ANKRD50: variants seen among roughly 807,000 people sequenced by gnomAD.
ANKRD50 encodes the protein ankyrin repeat domain 50.
A neutral mutation model predicts 112.0 loss-of-function variants in ANKRD50; 40 were observed. The observed-to-expected ratio is 0.36, with a 90% CI of 0.28 to 0.46. The LOEUF is 0.46. Ranked by LOEUF, ANKRD50 falls within the 20% of genes least tolerant of loss-of-function variation. ANKRD50 has a pLI of 1.00. For missense variants in ANKRD50, 1,487 were observed against 1,701.7 expected (o/e 0.87, Z 2.22); for synonymous variants, 613 against 619.1 (o/e 0.99, Z 0.15).
chr4:124,672,842 A>G (rs1054824645), intron 3 of ANKRD50, among the ~76,000 whole-genome samples: 2 of 152,070 alleles, frequency 1.3e-5, no homozygotes, highest in African/African-American at 4.8e-5. Context: ...CATAACCATA[A>G]AAGTACCCAG....
At chr4:124,696,143 T>C (rs1725246650) in intron 2 of ANKRD50, among the ~76,000 whole-genome samples, 1 of 151,982 alleles carries the variant, frequency 6.6e-6, no homozygotes, top group Admixed American at 6.6e-5. Flanking sequence ...AGTAGATGGA[T>C]AAAAATAGAT....
At chr4:124,687,113 A>G (rs2110517294) in intron 2 of ANKRD50, among the ~76,000 whole-genome samples, 1 of 152,360 alleles carries the variant, frequency 6.6e-6, no homozygotes. Flanking sequence ...AAGATTTACT[A>G]TTAAAGCTAG....
intron 2 of ANKRD50, among the ~76,000 whole-genome samples, chr4:124,705,063 C>T (rs892129237): frequency 3.3e-5 from 5 of 151,828 alleles, no homozygotes; most frequent in Non-Finnish European, 5.9e-5. Context: ...CACTGCACTC[C>T]AGCCTGGGTA....
At position 124,672,112 on chromosome 4, in the gene ANKRD50, A is replaced by C. The variant is rs545963327; in HGVS notation, c.1165T>G (p.Leu389Val). The C allele has an allele frequency of 1.4e-5, 22 of 1,613,890 alleles. No homozygotes were observed. In the African/African-American group the frequency reaches 2.7e-4, roughly 20 times the overall value. Residue 389 changes from leucine to valine, a missense_variant, in exon 4 of 5, where the codon TTA (leucine) becomes GTA (valine). Leu to Val is a conservative substitution (Grantham distance 32). Transcript: ENST00000504087. ...ACAAGAAGTTTGGAGAGGATATCTA[A>C]CTTGCGTTGAAAATCTTCCAAAGTT... ...SLTLEDFQRK[L>V]DILSKLLVDG...
intron 1 of ANKRD50, among the ~76,000 whole-genome samples, chr4:124,712,112 C>G (rs1313376548): frequency 2.6e-5 from 4 of 152,136 alleles, no homozygotes; most frequent in African/African-American, 9.7e-5. Flanking sequence ...AGCGAAGGTG[C>G]AGCCTCCACA....
chr4:124,710,859 T>C lies in ANKRD50; in HGVS notation c.-348A>G. On this transcript the variant is annotated 5_prime_UTR_variant, in exon 2 of 5. Transcript: ENST00000504087. ...AAGAACAGAGATGAGACAATACATG[T>C]GGAAAACTAAAGAAAAAACCCAATC... 1 of 417,440 alleles carries C rather than the reference T, an allele frequency of 2.4e-6. No homozygotes were observed. The highest frequency in any genetic ancestry group is 4.3e-6 in the Non-Finnish European group (1 of 235,176). 25.9% of individuals were successfully genotyped at this position (417,440 alleles called of 1,614,324 possible).
In ANKRD50 at chr4:124,666,580, G is replaced by A. The variant is rs1359331998; in HGVS notation, c.*938C>T. ...CAGCAAAATTAATTTATTTAGCCAG[G>A]AGGAAGAGGTCAGTTTAGTCAATGA... On this transcript the variant is annotated 3_prime_UTR_variant, in exon 5 of 5. Transcript: ENST00000504087. 1 of 152,258 alleles carries A rather than the reference G, an allele frequency of 6.6e-6. No individual in the cohort carries two copies. Among genetic ancestry groups the A allele is most frequent in the East Asian group, 1.9e-4 (1 of 5,186 alleles). The allele number at this position is 152,258 out of a possible 1,614,324, so 9.4% of individuals were successfully genotyped here. A position where few individuals can be genotyped will look rare whatever the true frequency, so the allele number is the denominator to read the frequency against.
Position 124,672,307 on chromosome 4 carries a change from G to A in ANKRD50, c.970C>T (p.Arg324Cys), listed in dbSNP as rs763266709. 8.1e-6 allele frequency: 13 copies of A among 1,613,262 alleles called. No individual in the cohort carries two copies. Among genetic ancestry groups the A allele is most frequent in the South Asian group, 3.3e-5 (3 of 90,996 alleles). ...VENFIMLREI[R>C]DIPGTLNGLY... ...CCATTTAGAGTTCCTGGGATGTCAC[G>A]AATTTCTCTTAACATAATAAAATTT... Residue 324 changes from arginine (R) to cysteine (C), a missense_variant, in exon 4 of 5, where the codon CGT (arginine) becomes TGT (cysteine). Arg to Cys is a radical substitution (Grantham distance 180, BLOSUM62 -3). Around this residue, in one of 2 missense-constraint regions of ANKRD50, gnomAD observed 1,046 missense variants for 1,269.5 expected, o/e 0.82. Coordinates refer to ENST00000504087, the MANE Select transcript of ANKRD50 (RefSeq NM_020337.3).
At chr4:124,667,908 T>C (rs1309946905) in intron 4 of ANKRD50, among the ~76,000 whole-genome samples, 2 of 151,970 alleles carry the variant, frequency 1.3e-5, no homozygotes, top group Non-Finnish European at 2.9e-5. Context: ...TATTAGAATA[T>C]ATGAGGAATT....
intron 2 of ANKRD50, among the ~76,000 whole-genome samples, chr4:124,692,155 T>C (rs1368795347): frequency 6.6e-6 from 1 of 151,994 alleles, no homozygotes; most frequent in Admixed American, 6.6e-5. Context: ...ATTATGTATA[T>C]GAGAATATTC....
At chr4:124,690,960 C>A (rs1047950988) in intron 2 of ANKRD50, among the ~76,000 whole-genome samples, 2 of 152,074 alleles carry the variant, frequency 1.3e-5, no homozygotes, top group Non-Finnish European at 2.9e-5. Context: ...TATAGGCATA[C>A]ATTAACTCAA....
chr4:124,695,732 G>T (rs1725238260), intron 2 of ANKRD50, among the ~76,000 whole-genome samples: 1 of 151,924 alleles, frequency 6.6e-6, no homozygotes, highest in African/African-American at 2.4e-5. Context: ...AATTACCAAG[G>T]GTCTTTCAGA....
chr4:124,669,222 C>G lies in ANKRD50; in HGVS notation c.4055G>C (p.Ser1352Thr). ...SQQQFLIHQQ[S>T]GEQKKRNGIM... ...TCCATTTCTCTTCTTCTGTTCCCCA[C>G]TTTGTTGGTGAATAAGAAACTGCTG... is the stretch of plus-strand genomic sequence containing the variant. Residue 1352 changes from serine (S) to threonine (T), a missense_variant, in exon 4 of 5, where the codon AGT becomes ACT. Transcript: ENST00000504087. 1 of 1,613,670 alleles carries G rather than the reference C, an allele frequency of 6.2e-7. No homozygotes were observed. The highest frequency in any genetic ancestry group is 8.5e-7 in the Non-Finnish European group (1 of 1,179,788).
At position 124,669,661 on chromosome 4, in the gene ANKRD50, T is replaced by C. The variant is rs147840106; in HGVS notation, c.3616A>G (p.Ile1206Val). The change falls in exon 4 of 5, where the codon ATT becomes GTT. Residue 1206 changes from isoleucine to valine, a missense_variant. Around this residue, in one of 2 missense-constraint regions of ANKRD50, gnomAD observed 441 missense variants for 432.2 expected, o/e 1.02. Transcript: ENST00000504087. ...AATGACAAGTTATGAAAGCTATCAA[T>C]TGGCACTGTTTGAGCCGTTGCTGTA... ...SSTATAQTVP[I>V]DSFHNLSFTE... is the part of the protein sequence containing the mutation. 8 of 1,612,904 alleles carry C rather than the reference T, an allele frequency of 5.0e-6. No homozygotes were observed. The highest frequency in any genetic ancestry group is 2.2e-5 in the South Asian group (2 of 90,734).
rs973312232 is a variant in ANKRD50 at position 124,688,692 on chromosome 4, G to A, written c.513-9787C>T. Among the ~76,000 whole-genome samples the A allele has an allele frequency of 2.6e-5, 4 of 152,070 alleles. 1 individual carries two copies. Among genetic ancestry groups the A allele is most frequent in the Non-Finnish European group, 5.9e-5 (4 of 68,034 alleles). On this transcript the variant is annotated intron_variant, in intron 2 of 4. Transcript: ENST00000504087. Reference sequence around the variant, plus strand: ...TCTTCTTTCCAGTTGGTATTCTGAGGTTCTTCTGAACAGACCAATGCTCTT... The same window carrying A: ...TCTTCTTTCCAGTTGGTATTCTGAGATTCTTCTGAACAGACCAATGCTCTT...
intron 3 of ANKRD50, among the ~76,000 whole-genome samples, chr4:124,676,436 A>G (rs1035260103): frequency 6.6e-6 from 1 of 151,722 alleles, no homozygotes; most frequent in Admixed American, 6.6e-5. Flanking sequence ...TATTTGCATA[A>G]TAATGCTAAC....
Position 124,671,978 on chromosome 4 carries a change from G to C in ANKRD50, c.1299C>G (p.His433Gln). The C allele has an allele frequency of 6.2e-7, 1 of 1,613,908 alleles. No individual in the cohort carries two copies. Among genetic ancestry groups the C allele is most frequent in the Non-Finnish European group, 8.5e-7 (1 of 1,179,884 alleles). Residue 433 changes from histidine to glutamine, a missense_variant, in exon 4 of 5, where the codon CAC (histidine) becomes CAG (glutamine). His to Gln is a conservative substitution (Grantham distance 24). This residue lies in a region of ANKRD50 where 1,046 missense variants were observed against 1,269.5 expected (regional missense o/e 0.82). Transcript: ENST00000504087. ...QKYLCNAAEGHRMLAMSYTCQ... is the reference protein window; with the variant it reads ...QKYLCNAAEGQRMLAMSYTCQ... ...AGGTATAACTCATAGCCAACATTCTGTGTCCTTCTGCTGCATTACATAAAT... is the reference window on the plus strand; with the variant it reads ...AGGTATAACTCATAGCCAACATTCTCTGTCCTTCTGCTGCATTACATAAAT...
rs1725610110 is a variant in ANKRD50 at position 124,710,687 on chromosome 4, C to A, written c.-176G>T. 2.6e-6 allele frequency: 2 copies of A among 759,068 alleles called. No homozygotes were observed. Among genetic ancestry groups the A allele is most frequent in the Non-Finnish European group, 4.2e-6 (2 of 476,782 alleles). 47.0% of individuals were successfully genotyped at this position (759,068 alleles called of 1,614,324 possible). The stretch of plus-strand genomic sequence containing the variant: ...AGAACGTGCATGACTTTATTTGGTT[C>A]CTTATTCTTGATCAGCAGTCTATGT... On this transcript the variant is annotated 5_prime_UTR_variant, in exon 2 of 5. Coordinates refer to ENST00000504087, the MANE Select transcript of ANKRD50 (RefSeq NM_020337.3).
intron 2 of ANKRD50, among the ~76,000 whole-genome samples, chr4:124,694,632 C>T (rs1323948696): frequency 2.0e-5 from 3 of 152,150 alleles, no homozygotes; most frequent in Admixed American, 2.0e-4. Flanking sequence ...CCACCCAAGG[C>T]TATGGCTTTT....
Sources: gnomAD v4.1 joint callset for allele counts (sites outside exome capture counted in the v4.1 genomes callset) on GRCh38, gnomAD v4.1.1 for gene constraint, gnomAD v4.1.1 regional missense constraint, MANE v1.5 for transcripts, NCBI Gene and HGNC (gene_info 2026-07-23, HGNC 2026-07-21) for gene names.